Variants in SORCS1 observed in about 807,000 individuals in gnomAD.
The protein encoded by SORCS1 is VPS10 domain-containing receptor SorCS1.
A neutral mutation model predicts 146.1 loss-of-function variants in SORCS1; 60 were observed. The ratio of observed to expected loss-of-function variants is 0.41; its 90% CI spans 0.33 to 0.51. The LOEUF (loss-of-function observed/expected upper bound fraction) is 0.51, where lower values mean the gene tolerates loss of function less well. Among genes scored for constraint, SORCS1 ranks in the 20% least tolerant of loss-of-function variants. The pLI is 0.21. For synonymous variants in SORCS1, 637 were observed against 584.0 expected, an observed-to-expected ratio of 1.09 and a Z score of -1.31; for missense variants, 1,352 against 1,487.6, an observed-to-expected ratio of 0.91 and a Z score of 1.50.
chr10:106,597,393 G>C lies in SORCS1; in HGVS notation c.3223C>G (p.Pro1075Ala). Residue 1075 changes from proline to alanine, a missense_variant, in exon 24 of 26, where the codon CCA (proline) becomes GCA (alanine). Around this residue, in one of 3 missense-constraint regions of SORCS1, gnomAD observed 214 missense variants for 204.8 expected, o/e 1.05. Transcript: ENST00000263054. Reference sequence around the variant, plus strand: ...GCATGGACAAGGACTCGGACTCCTGGCTTCAGCTCGAAGTGTACTGAGTTT... The same window carrying C: ...GCATGGACAAGGACTCGGACTCCTGCCTTCAGCTCGAAGTGTACTGAGTTT... ...NQNSVHFELKPGVRVLVHAAH... is the reference protein window; with the variant it reads ...NQNSVHFELKAGVRVLVHAAH... 2 of 1,614,024 alleles carry C rather than the reference G, an allele frequency of 1.2e-6. No homozygotes were observed. The highest frequency in any genetic ancestry group is 1.7e-6 in the Non-Finnish European group (2 of 1,179,928).
At chr10:106,887,929 C>G (rs1410851471) in intron 2 of SORCS1, among the ~76,000 whole-genome samples, 1 of 152,172 alleles carries the variant, frequency 6.6e-6, no homozygotes, top group Non-Finnish European at 1.5e-5. Flanking sequence ...GACAAAGCTG[C>G]AAACTGCATG....
chr10:106,597,400 C>A lies in SORCS1; in HGVS notation c.3216G>T (p.Glu1072Asp). Reference sequence around the variant, plus strand: ...CAAGGACTCGGACTCCTGGCTTCAGCTCGAAGTGTACTGAGTTTTGGTTGA... The same window carrying A: ...CAAGGACTCGGACTCCTGGCTTCAGATCGAAGTGTACTGAGTTTTGGTTGA... ...HTLNQNSVHFELKPGVRVLVH... is the reference protein window; with the variant it reads ...HTLNQNSVHFDLKPGVRVLVH... The change falls in exon 24 of 26, where the codon GAG (glutamate) becomes GAT (aspartate). Residue 1072 changes from glutamate (E) to aspartate (D), a missense_variant. Transcript: ENST00000263054. 1 of 1,613,998 alleles carries A rather than the reference C, an allele frequency of 6.2e-7. No homozygotes were observed. The highest frequency in any genetic ancestry group is 1.3e-5 in the African/African-American group (1 of 75,040).
intron 3 of SORCS1, among the ~76,000 whole-genome samples, chr10:106,826,668 G>A (rs2136979571): frequency 6.6e-6 from 1 of 152,278 alleles, no homozygotes; most frequent in East Asian, 1.9e-4. Flanking sequence ...TTATTGATTT[G>A]TGTACCATTG....
chr10:106,915,246 C>T (rs1952358535), intron 2 of SORCS1, among the ~76,000 whole-genome samples: 1 of 152,148 alleles, frequency 6.6e-6, no homozygotes, highest in South Asian at 2.1e-4. Flanking sequence ...ATGCTAGGCA[C>T]CTAGCCCTCA....
At chr10:106,893,410 T>A (rs576294796) in intron 2 of SORCS1, among the ~76,000 whole-genome samples, 3 of 152,334 alleles carry the variant, frequency 2.0e-5, no homozygotes, top group African/African-American at 7.2e-5. Context: ...CTTTTTTCCT[T>A]ATTAGCCTAT....
In SORCS1 at chr10:106,657,687, G is replaced by GTA. The variant is rs1452349776; in HGVS notation, c.2304-5135_2304-5134insTA. 2.8e-5 allele frequency among the ~76,000 whole-genome samples: 4 copies of GTA among 142,016 alleles called. No individual in the cohort carries two copies. In the East Asian group the frequency reaches 8.8e-4, roughly 31 times the overall value. 93.2% of individuals were successfully genotyped at this position (142,016 alleles called of 152,430 possible). On this transcript the variant is annotated intron_variant, in intron 17 of 25. Transcript: ENST00000263054. ...TGTGTGTGTGTGTGTGTGTGTGTGT[G>GTA]TGTATTTTTTTCAAGAAAATAAATA...
At position 106,908,219 on chromosome 10, in the gene SORCS1, T is replaced by C. The variant is rs183011621; in HGVS notation, c.626+48294A>G. 3.7e-4 allele frequency among the ~76,000 whole-genome samples: 57 copies of C among 152,294 alleles called. No individual in the cohort carries two copies. In the East Asian group the frequency reaches 0.01, roughly 28 times the overall value. ...TATTTTCATTTTTTTTCCCTAATGT[T>C]GTCGGGTAACAGTTCCACGGGTTAT... On this transcript the variant is annotated intron_variant, in intron 2 of 25. Coordinates refer to ENST00000263054, the MANE Select transcript of SORCS1 (RefSeq NM_052918.5).
At chr10:106,623,536 G>C (rs548855231) in intron 19 of SORCS1, among the ~76,000 whole-genome samples, 7 of 151,982 alleles carry the variant, frequency 4.6e-5, no homozygotes, top group African/African-American at 1.7e-4. Flanking sequence ...GAGCCACCAC[G>C]CCCGGCTGAG....
intron 9 of SORCS1, among the ~76,000 whole-genome samples, chr10:106,692,492 T>G (rs1018223576): frequency 6.6e-6 from 1 of 152,114 alleles, no homozygotes; most frequent in Non-Finnish European, 1.5e-5. Flanking sequence ...CTACTAATGG[T>G]TGTGGAGCTT....
intron 21 of SORCS1, among the ~76,000 whole-genome samples, chr10:106,617,172 C>T (rs1847425627): frequency 6.6e-6 from 1 of 151,918 alleles, no homozygotes; most frequent in African/African-American, 2.4e-5. Context: ...TCAGGCTGGT[C>T]TCGAACTCCT....
At chr10:107,049,987 A>G (rs911930162) in intron 1 of SORCS1, among the ~76,000 whole-genome samples, 2 of 152,226 alleles carry the variant, frequency 1.3e-5, no homozygotes, top group African/African-American at 4.8e-5. Context: ...TTAATGAGGG[A>G]TATCAGTGCA....
intron 1 of SORCS1, among the ~76,000 whole-genome samples, chr10:107,083,335 T>C (rs1043072528): frequency 5.3e-5 from 8 of 152,138 alleles, no homozygotes; most frequent in Non-Finnish European, 1.2e-4. Flanking sequence ...GGACTGTCAA[T>C]CTTATAGCTC....
Position 107,157,370 on chromosome 10 carries a change from C to T in SORCS1, c.558+6599G>A, listed in dbSNP as rs552102088. Reference sequence around the variant, plus strand: ...GTGTGACCAAATGTTATTTGACCTTCTTCTTCCACTAACTGACCTACTTAA... The same window carrying T: ...GTGTGACCAAATGTTATTTGACCTTTTTCTTCCACTAACTGACCTACTTAA... On this transcript the variant is annotated intron_variant, in intron 1 of 25. Transcript: ENST00000263054. 2.1e-3 allele frequency among the ~76,000 whole-genome samples: 320 copies of T among 152,338 alleles called. 2 individuals are homozygous for T. The highest frequency in any genetic ancestry group is 7.2e-3 in the African/African-American group (301 of 41,570).
chr10:106,703,098 C>A (rs1346364818), intron 8 of SORCS1, among the ~76,000 whole-genome samples: 1 of 151,496 alleles, frequency 6.6e-6, no homozygotes, highest in East Asian at 1.9e-4. Flanking sequence ...CAACCAAATT[C>A]TCAGGAAGGA....
intron 3 of SORCS1, among the ~76,000 whole-genome samples, chr10:106,826,118 G>C (rs964561777): frequency 6.6e-6 from 1 of 152,234 alleles, no homozygotes; most frequent in Non-Finnish European, 1.5e-5. Flanking sequence ...GCCTGCAAAG[G>C]CAAGGCATGA....
chr10:106,722,415 T>C (rs1482420904), intron 6 of SORCS1, among the ~76,000 whole-genome samples: 2 of 152,146 alleles, frequency 1.3e-5, no homozygotes, highest in African/African-American at 4.8e-5. Context: ...GAAAATGAGA[T>C]TTCCAGTTCT....
At position 107,055,730 on chromosome 10, in the gene SORCS1, T is replaced by C. The variant is rs769217740; in HGVS notation, c.559-99150A>G. Among the ~76,000 whole-genome samples, 3 of 152,314 alleles carry C rather than the reference T, an allele frequency of 2.0e-5. No individual in the cohort carries two copies. In the South Asian group the frequency reaches 6.2e-4, roughly 32 times the overall value. On this transcript the variant is annotated intron_variant, in intron 1 of 25. Coordinates refer to ENST00000263054, the MANE Select transcript of SORCS1 (RefSeq NM_052918.5). ...GAAAAATAATACGGCTGAACATTTCTAATTAACACCTGGAGTTACCTTGTG... is the reference window on the plus strand; with the variant it reads ...GAAAAATAATACGGCTGAACATTTCCAATTAACACCTGGAGTTACCTTGTG...
At chr10:106,674,695 G>C (rs1264975688) in intron 14 of SORCS1, among the ~76,000 whole-genome samples, 1 of 152,152 alleles carries the variant, frequency 6.6e-6, no homozygotes, top group African/African-American at 2.4e-5. Context: ...ACAATGCTTT[G>C]TGGCATTTTG....
chr10:106,683,795 T>C (rs1031282964), intron 10 of SORCS1, among the ~76,000 whole-genome samples: 1 of 152,190 alleles, frequency 6.6e-6, no homozygotes, highest in Non-Finnish European at 1.5e-5. Flanking sequence ...AAATACATAC[T>C]CATTTGTATA....
Sources: allele counts gnomAD v4.1 joint callset (sites outside exome capture counted in the v4.1 genomes callset), GRCh38; gene constraint gnomAD v4.1.1; regional missense constraint gnomAD v4.1.1; transcripts MANE v1.5; gene names NCBI Gene and HGNC (gene_info 2026-07-23, HGNC 2026-07-21).